The following HSPH1 variants were observed in gnomAD, a reference collection of about 807,000 sequenced individuals.
HSPH1 encodes the protein heat shock protein family H (Hsp110) member 1.
In HSPH1, 40 loss-of-function variants were observed where a neutral mutation model predicts 100.0. The observed-to-expected ratio is 0.40, with a 90% CI of 0.31 to 0.52. The LOEUF (loss-of-function observed/expected upper bound fraction) is 0.52, where lower values mean the gene tolerates loss of function less well. HSPH1 is among the 20% of genes least tolerant of loss of function. HSPH1 has a pLI of 0.54. For missense variants in HSPH1, 876 were observed against 1,015.1 expected, an observed-to-expected ratio of 0.86 and a Z score of 1.86; for synonymous variants, 403 against 344.0, an observed-to-expected ratio of 1.17 and a Z score of -1.90.
At chr13:31,140,528 A>AT in intron 13 of HSPH1, 1 of 330,484 alleles carries the variant, frequency 3.0e-6, no homozygotes, top group Non-Finnish European at 5.6e-6. Context: ...ATTGTAACCG[A>AT]TTACACAGAC....
In HSPH1 at chr13:31,137,234, A is replaced by T. The variant is rs888824053; in HGVS notation, c.*84T>A. ...TAAATATCCTTAAAAAAGAAAATATAAATAGTTTCAGTATGTTATGTAGAG... is the reference window on the plus strand; with the variant it reads ...TAAATATCCTTAAAAAAGAAAATATTAATAGTTTCAGTATGTTATGTAGAG... On this transcript the variant is annotated 3_prime_UTR_variant, in exon 18 of 18. Coordinates refer to ENST00000320027, the MANE Select transcript of HSPH1 (RefSeq NM_006644.4). 7 of 835,524 alleles carry T rather than the reference A, an allele frequency of 8.4e-6. No individual in the cohort carries two copies. The highest frequency in any genetic ancestry group is 1.4e-5 in the Non-Finnish European group (7 of 510,104). The allele number at this position is 835,524 out of a possible 1,614,324, so 51.8% of individuals were successfully genotyped here.
Position 31,138,415 on chromosome 13 carries a change from T to C in HSPH1, c.2362A>G (p.Lys788Glu). The C allele has an allele frequency of 6.2e-7, 1 of 1,612,830 alleles. No individual in the cohort carries two copies. The change falls in exon 17 of 18, where the codon AAA becomes GAA. Residue 788 changes from lysine to glutamate, a missense_variant. Physicochemically the swap from Lys to Glu is moderately conservative, Grantham distance 56. Transcript: ENST00000320027. ...PVVRAQEIKT[K>E]IKELNNTCEP... ...GAGACAGTAACACTCACCTTGATTT[T>C]TGTTTTAATTTCCTGAGCACGTACA...
rs568617435 is a variant in HSPH1 at position 31,145,529 on chromosome 13, C to G, written c.1584+34G>C. 7.8e-6 allele frequency: 12 copies of G among 1,546,940 alleles called. No individual in the cohort carries two copies. In the East Asian group the frequency reaches 2.0e-4, roughly 26 times the overall value. ...CCTATAGCTTAGAACTAAGTCAACT[C>G]TATTCAAACACAAAGGTTTATCCAC... On this transcript the variant is annotated intron_variant, in intron 11 of 17. Coordinates refer to ENST00000320027, the MANE Select transcript of HSPH1 (RefSeq NM_006644.4).
rs199859221 is a variant in HSPH1, at chr13:31,149,614, A to G, written c.1137+340T>C. Among the ~76,000 whole-genome samples the G allele has an allele frequency of 3.9e-5, 6 of 152,288 alleles. No individual in the cohort carries two copies. The East Asian group carries it at 7.7e-4, about 20-fold the overall frequency. On this transcript the variant is annotated intron_variant, in intron 8 of 17. Coordinates refer to ENST00000320027, the MANE Select transcript of HSPH1 (RefSeq NM_006644.4). ...ACTTCCCCTAAATCAATTCCTTATT[A>G]TATCAGATTACCACTGTAATTCCCT...
At chr13:31,154,196 T>C (rs1300011951) in intron 4 of HSPH1, 1 of 211,710 alleles carries the variant, frequency 4.7e-6, no homozygotes, top group Admixed American at 5.4e-5. Flanking sequence ...AATTGTCCAC[T>C]GAAGGTAACA....
chr13:31,161,977 C>CTCACCGGCGCCT (rs1956941767), upstream of HSPH1: 4 of 1,536,066 alleles, frequency 2.6e-6, no homozygotes, highest in Non-Finnish European at 3.5e-6. Flanking sequence ...GCGGCATTTA[C>CTCACCGGCGCCT]TCACCGGCGC....
At chr13:31,161,985 C>G, upstream of HSPH1, 2 of 1,536,004 alleles carry the variant, frequency 1.3e-6, no homozygotes, top group Non-Finnish European at 1.7e-6. Flanking sequence ...TACTCACCGG[C>G]GCCTCCACCG....
Position 31,135,229 on chromosome 13 carries a change from C to T in HSPH1, c.*2089G>A, listed in dbSNP as rs1955856670. Reference sequence around the variant, plus strand: ...TTTAGGCCAGACTGACTGATGCTCCCTCCCGTCATCAGGTTCTATTTTAGG... The same window carrying T: ...TTTAGGCCAGACTGACTGATGCTCCTTCCCGTCATCAGGTTCTATTTTAGG... On this transcript the variant is annotated 3_prime_UTR_variant, in exon 18 of 18. Coordinates refer to ENST00000320027, the MANE Select transcript of HSPH1 (RefSeq NM_006644.4). 1 of 152,194 alleles carries T rather than the reference C, an allele frequency of 6.6e-6. No homozygotes were observed. The highest frequency in any genetic ancestry group is 1.5e-5 in the Non-Finnish European group (1 of 68,036). The allele number at this position is 152,194 out of a possible 1,614,324, so 9.4% of individuals were successfully genotyped here. A position where few individuals can be genotyped will look rare whatever the true frequency, so the allele number is the denominator to read the frequency against.
At chr13:31,142,672 C>G (rs540689671) in intron 12 of HSPH1, among the ~76,000 whole-genome samples, 1 of 152,196 alleles carries the variant, frequency 6.6e-6, no homozygotes, top group African/African-American at 2.4e-5. Context: ...GGATGAGGAA[C>G]CGTCTCCAAA....
At chr13:31,150,371 G>A (rs1258579936) in intron 7 of HSPH1, among the ~76,000 whole-genome samples, 189 bp from the exon 8 acceptor site, 1 of 152,122 alleles carries the variant, frequency 6.6e-6, no homozygotes, top group East Asian at 1.9e-4. Flanking sequence ...GAAAGATGAT[G>A]CGGAAGACAG....
chr13:31,135,215 C>G lies in HSPH1; in HGVS notation c.*2103G>C, dbSNP rs1449291378. 6.6e-6 allele frequency: 1 copy of G among 152,188 alleles called. No individual in the cohort carries two copies. Among genetic ancestry groups the G allele is most frequent in the African/African-American group, 2.4e-5 (1 of 41,432 alleles). 9.4% of individuals were successfully genotyped at this position (152,188 alleles called of 1,614,324 possible). A position where few individuals can be genotyped will look rare whatever the true frequency, so the allele number is the denominator to read the frequency against. On this transcript the variant is annotated 3_prime_UTR_variant, in exon 18 of 18. Transcript: ENST00000320027. ...GCGCAGTACACTGATTTAGGCCAGA[C>G]TGACTGATGCTCCCTCCCGTCATCA...
intron 2 of HSPH1, 111 bp downstream of exon 2, chr13:31,158,695 C>A: frequency 1.6e-6 from 1 of 637,896 alleles, no homozygotes; most frequent in Non-Finnish European, 2.9e-6. Context: ...ATTTTTAAAA[C>A]TCAAAAATAC....
At chr13:31,146,570 G>A (rs1956271370) in intron 10 of HSPH1, among the ~76,000 whole-genome samples, 1 of 152,140 alleles carries the variant, frequency 6.6e-6, no homozygotes. Context: ...AAAACATTTA[G>A]CTGTTTTAAA....
Position 31,150,021 on chromosome 13 carries a change from A to T in HSPH1, c.1070T>A (p.Phe357Tyr), listed in dbSNP as rs1243413370. ...TGTTGTGCTAATATCTTTTCCAAAGAATTTGGCAATTCTTTCCTTCACAGC... is the reference window on the plus strand; with the variant it reads ...TGTTGTGCTAATATCTTTTCCAAAGTATTTGGCAATTCTTTCCTTCACAGC... ...IPAVKERIAK[F>Y]FGKDISTTLN... The change falls in exon 8 of 18, where the codon TTC becomes TAC. Residue 357 changes from phenylalanine to tyrosine, a missense_variant. By Grantham distance (22) the Phe-to-Tyr change is conservative. Coordinates refer to ENST00000320027, the MANE Select transcript of HSPH1 (RefSeq NM_006644.4). 6.2e-7 allele frequency: 1 copy of T among 1,613,738 alleles called. No individual in the cohort carries two copies. The highest frequency in any genetic ancestry group is 1.3e-5 in the African/African-American group (1 of 74,884).
intron 1 of HSPH1, among the ~76,000 whole-genome samples, chr13:31,159,161 G>A (rs988841970): frequency 6.6e-6 from 1 of 152,142 alleles, no homozygotes; most frequent in Non-Finnish European, 1.5e-5. Flanking sequence ...TTTTAAATAT[G>A]TTAACGGTAT....
chr13:31,159,354 G>A (rs537664096), intron 1 of HSPH1, among the ~76,000 whole-genome samples: 2 of 152,166 alleles, frequency 1.3e-5, no homozygotes, highest in Non-Finnish European at 2.9e-5. Context: ...TTACACCTCT[G>A]AAGTTTAAAG....
Position 31,148,486 on chromosome 13 carries a change from A to T in HSPH1, c.1138-6T>A. 4 of 931,872 alleles carry T rather than the reference A, an allele frequency of 4.3e-6. No homozygotes were observed. Among genetic ancestry groups the T allele is most frequent in the African/African-American group, 1.7e-5 (1 of 57,816 alleles). 57.7% of individuals were successfully genotyped at this position (931,872 alleles called of 1,614,324 possible). A position where few individuals can be genotyped will look rare whatever the true frequency, so the allele number is the denominator to read the frequency against. ...GCCGGGGAAAGTATTGCACACTTAA[A>T]AAAAAAAAAAAAAATCATGAGCACA... On this transcript the variant is annotated splice_region_variant and splice_polypyrimidine_tract_variant and intron_variant, in intron 8 of 17. Coordinates refer to ENST00000320027, the MANE Select transcript of HSPH1 (RefSeq NM_006644.4).
Position 31,137,259 on chromosome 13 carries a change from G to A in HSPH1, c.*59C>T. ...AAATAGTTTCAGTATGTTATGTAGA[G>A]TCACATACTATGGCAAAAATATTTT... On this transcript the variant is annotated 3_prime_UTR_variant, in exon 18 of 18. Transcript: ENST00000320027. 1 of 1,005,960 alleles carries A rather than the reference G, an allele frequency of 9.9e-7. No individual in the cohort carries two copies. Among genetic ancestry groups the A allele is most frequent in the Admixed American group, 2.0e-5 (1 of 50,280 alleles). 62.3% of individuals were successfully genotyped at this position (1,005,960 alleles called of 1,614,324 possible). A position where few individuals can be genotyped will look rare whatever the true frequency, so the allele number is the denominator to read the frequency against.
At chr13:31,149,790 C>A (rs1186470204) in intron 8 of HSPH1, among the ~76,000 whole-genome samples, 164 bp downstream of exon 8, 1 of 152,112 alleles carries the variant, frequency 6.6e-6, no homozygotes, top group African/African-American at 2.4e-5. Context: ...TTTACTGGAT[C>A]TTTTAGATTT....
Sources: allele counts gnomAD v4.1 joint callset (sites outside exome capture counted in the v4.1 genomes callset), GRCh38; gene constraint gnomAD v4.1.1; transcripts MANE v1.5; gene names NCBI Gene and HGNC (gene_info 2026-07-23, HGNC 2026-07-21).